Variants in HCN1 observed in about 807,000 individuals in gnomAD.
The protein encoded by HCN1 is hyperpolarization activated cyclic nucleotide gated potassium channel 1, also known as potassium/sodium hyperpolarization-activated cyclic nucleotide-gated channel 1.
HCN1 carries 13 observed loss-of-function variants against 78.9 expected under a neutral mutation model. The ratio of observed to expected loss-of-function variants is 0.16; its 90% confidence interval spans 0.11 to 0.26. The LOEUF is 0.26. Ranked by LOEUF, HCN1 falls within the 10% of genes least tolerant of loss-of-function variation. HCN1 has a pLI of 1.00. For missense variants in HCN1, 810 were observed against 1,154.3 expected (o/e 0.70, Z 4.32); for synonymous variants, 552 against 455.5 (o/e 1.21, Z -2.70).
chr5:45,304,835 C>A (rs570371574), intron 5 of HCN1, among the ~76,000 whole-genome samples: 1 of 152,064 alleles, frequency 6.6e-6, no homozygotes, highest in East Asian at 1.9e-4. Context: ...AGGATCAGGC[C>A]AATTCTCAAA....
intron 2 of HCN1, among the ~76,000 whole-genome samples, chr5:45,565,635 C>A (rs374895925): frequency 2.6e-5 from 4 of 151,952 alleles, no homozygotes; most frequent in East Asian, 3.9e-4. Context: ...CCAGCCTGGG[C>A]AACATAGAGA....
chr5:45,378,316 T>A (rs1194897747), intron 4 of HCN1, among the ~76,000 whole-genome samples: 2 of 152,054 alleles, frequency 1.3e-5, no homozygotes, highest in South Asian at 2.1e-4. Flanking sequence ...AACTTTTATA[T>A]CCTTTGTAAC....
chr5:45,328,106 CAG>C (rs1204736120), intron 5 of HCN1, among the ~76,000 whole-genome samples: 2 of 151,634 alleles, frequency 1.3e-5, no homozygotes, highest in Non-Finnish European at 3.0e-5. Context: ...CCTGAAATCT[CAG>C]ACAGTGCTGA....
rs768314013 is a variant in HCN1, at chr5:45,261,749, T to A, written c.*172A>T. ...ACCCTCTCTTGGGAATTTAGATATA[T>A]ATTTTATAGTATATGTATATATATT... is the stretch of plus-strand genomic sequence containing the variant. On this transcript the variant is annotated 3_prime_UTR_variant, in exon 8 of 8. Transcript: ENST00000303230. 3.1e-6 allele frequency: 2 copies of A among 651,092 alleles called. No homozygotes were observed. The highest frequency in any genetic ancestry group is 5.0e-6 in the Non-Finnish European group (2 of 398,300). The allele number at this position is 651,092 out of a possible 1,614,324, so 40.3% of individuals were successfully genotyped here. A position where few individuals can be genotyped will look rare whatever the true frequency, so the allele number is the denominator to read the frequency against.
At chr5:45,347,553 G>A (rs1411773625) in intron 5 of HCN1, among the ~76,000 whole-genome samples, 2 of 152,140 alleles carry the variant, frequency 1.3e-5, no homozygotes, top group Admixed American at 1.3e-4. Context: ...GGCTTCAGAC[G>A]ATCAAACTAC....
chr5:45,360,904 T>C (rs1299214927), intron 4 of HCN1, among the ~76,000 whole-genome samples: 1 of 152,128 alleles, frequency 6.6e-6, no homozygotes, highest in Non-Finnish European at 1.5e-5. Flanking sequence ...GAAAGCTGGG[T>C]AACAAAACAT....
chr5:45,377,111 G>GT (rs1377945923), intron 4 of HCN1, among the ~76,000 whole-genome samples: 1 of 151,964 alleles, frequency 6.6e-6, no homozygotes. Context: ...AGATACAGGT[G>GT]TCAGAAAAAT....
At chr5:45,564,800 C>T (rs1281358800) in intron 2 of HCN1, among the ~76,000 whole-genome samples, 2 of 152,066 alleles carry the variant, frequency 1.3e-5, no homozygotes, top group Non-Finnish European at 2.9e-5. Flanking sequence ...GAGTAGCTGG[C>T]AGCCTGAATT....
chr5:45,441,352 T>G (rs112513411), intron 3 of HCN1, among the ~76,000 whole-genome samples: 2,011 of 130,396 alleles, frequency 0.015, 47 homozygotes, highest in African/African-American at 0.055. Context: ...AAGGAAGAAA[T>G]GAAGGAGGGA....
At chr5:45,576,516 C>T (rs1416349992) in intron 2 of HCN1, 1 of 151,990 alleles carries the variant, frequency 6.6e-6, no homozygotes, top group African/African-American at 2.4e-5. Flanking sequence ...CCACAGTCAC[C>T]CCAACTTACA....
chr5:45,584,490 C>T (rs1465088737), intron 2 of HCN1, among the ~76,000 whole-genome samples: 2 of 151,758 alleles, frequency 1.3e-5, no homozygotes, highest in Non-Finnish European at 3.0e-5. Flanking sequence ...TCCAATTTGC[C>T]AGTCTGTGTC....
chr5:45,659,290 G>A (rs1475231665), intron 1 of HCN1, among the ~76,000 whole-genome samples: 1 of 127,090 alleles, frequency 7.9e-6, no homozygotes, highest in Admixed American at 7.8e-5. Flanking sequence ...CATCTACACC[G>A]AAAACCCATC....
intron 2 of HCN1, among the ~76,000 whole-genome samples, chr5:45,500,375 C>T (rs1742163975): frequency 6.6e-6 from 1 of 151,966 alleles, no homozygotes; most frequent in African/African-American, 2.4e-5. Flanking sequence ...ATTTTTCAAA[C>T]TAAGTTGAAA....
At chr5:45,417,653 G>A (rs867290338) in intron 3 of HCN1, among the ~76,000 whole-genome samples, 1 of 143,868 alleles carries the variant, frequency 7.0e-6, no homozygotes, top group East Asian at 2.2e-4. Context: ...ATAACAACAG[G>A]TTATCCACAG....
intron 2 of HCN1, among the ~76,000 whole-genome samples, chr5:45,612,330 AATT>A (rs1744854862): frequency 6.6e-6 from 1 of 152,168 alleles, no homozygotes; most frequent in Non-Finnish European, 1.5e-5. Context: ...AACCTATAAA[AATT>A]ATTCTAAGTT....
At chr5:45,290,202 G>A (rs1745343571) in intron 6 of HCN1, among the ~76,000 whole-genome samples, 1 of 152,010 alleles carries the variant, frequency 6.6e-6, no homozygotes, top group African/African-American at 2.4e-5. Context: ...CCATGACTGT[G>A]AGGACTCCCC....
chr5:45,586,964 A>C (rs946266911), intron 2 of HCN1, among the ~76,000 whole-genome samples: 5 of 152,210 alleles, frequency 3.3e-5, no homozygotes, highest in Non-Finnish European at 4.4e-5. Flanking sequence ...GGTTGGCTAT[A>C]ATCATTCCAT....
chr5:45,540,297 T>TA (rs1187273145), intron 2 of HCN1, among the ~76,000 whole-genome samples: 2 of 149,992 alleles, frequency 1.3e-5, no homozygotes, highest in Non-Finnish European at 3.0e-5. Context: ...CAAAAATGAA[T>TA]AAAAAAATAC....
At chr5:45,539,793 T>C (rs1743056126) in intron 2 of HCN1, among the ~76,000 whole-genome samples, 1 of 147,396 alleles carries the variant, frequency 6.8e-6, no homozygotes, top group African/African-American at 2.5e-5. Context: ...AATATAATCA[T>C]TTTCATACAC....
Sources: allele counts gnomAD v4.1 joint callset (sites outside exome capture counted in the v4.1 genomes callset), GRCh38; gene constraint gnomAD v4.1.1; transcripts MANE v1.5; gene names NCBI Gene and HGNC (gene_info 2026-07-23, HGNC 2026-07-21).